The following VDAC1 variants were observed in gnomAD, a reference collection of about 807,000 sequenced individuals.
VDAC1 encodes the protein non-selective voltage-gated ion channel VDAC1.
A neutral mutation model predicts 34.7 loss-of-function variants in VDAC1; 10 were observed. That is an observed-to-expected ratio of 0.29 (90% CI 0.18 to 0.49). The LOEUF is 0.49. Ranked by LOEUF, VDAC1 falls within the 20% of genes least tolerant of loss-of-function variation. VDAC1 has a pLI of 0.99. For synonymous variants in VDAC1, 130 were observed against 136.0 expected (o/e 0.96, Z 0.30); for missense variants, 230 against 347.9 (o/e 0.66, Z 2.69).
chr5:134,104,962 A>G, the VDAC1 span, among the ~76,000 whole-genome samples: 1 of 152,146 alleles, frequency 6.6e-6, no homozygotes, highest in African/African-American at 2.4e-5. Context: ...TCTCCCGTAA[A>G]CAGCATGCTA....
chr5:134,114,023 G>A, the VDAC1 span, among the ~76,000 whole-genome samples: 1 of 152,216 alleles, frequency 6.6e-6, no homozygotes, highest in Non-Finnish European at 1.5e-5. Flanking sequence ...GCTCTTGGCT[G>A]TGTTCGCGGC....
intron 1 of VDAC1, among the ~76,000 whole-genome samples, chr5:134,004,192 G>A (rs897444114): frequency 4.6e-5 from 7 of 152,040 alleles, no homozygotes; most frequent in Admixed American, 3.9e-4. Context: ...GCTCATCCCC[G>A]AGGCGGCAGC....
chr5:134,014,890 C>T, the VDAC1 span, among the ~76,000 whole-genome samples: 1 of 152,002 alleles, frequency 6.6e-6, no homozygotes, highest in Non-Finnish European at 1.5e-5. Context: ...AATCATTCTA[C>T]CAAAAAGACA....
chr5:134,083,692 A>G, the VDAC1 span, among the ~76,000 whole-genome samples: 3 of 152,278 alleles, frequency 2.0e-5, no homozygotes, highest in Non-Finnish European at 4.4e-5. Context: ...TTCAACTGGC[A>G]AGGACTTACC....
upstream of VDAC1, among the ~76,000 whole-genome samples, chr5:134,006,642 C>T (rs1223127911): frequency 6.7e-6 from 1 of 150,284 alleles, no homozygotes; most frequent in Non-Finnish European, 1.5e-5. Flanking sequence ...ACTCAGGAGG[C>T]TGAGGCACGA....
Position 133,985,692 on chromosome 5 carries a change from T to C in VDAC1, c.324-4736A>G, listed in dbSNP as rs75096075. ...AAACCTATCTTCATCTGCCTGCTCTTTGGGGAAAGAAGTCTGGGTTTCAGC... is the reference window on the plus strand; with the variant it reads ...AAACCTATCTTCATCTGCCTGCTCTCTGGGGAAAGAAGTCTGGGTTTCAGC... On this transcript the variant is annotated intron_variant, in intron 5 of 8. Transcript: ENST00000265333. 2.0e-3 allele frequency among the ~76,000 whole-genome samples: 297 copies of C among 152,272 alleles called. 3 individuals are homozygous for C. In the East Asian group the frequency reaches 0.046, roughly 24 times the overall value.
the VDAC1 span, among the ~76,000 whole-genome samples, chr5:134,090,611 C>G: frequency 1.3e-5 from 2 of 152,166 alleles, no homozygotes; most frequent in Non-Finnish European, 2.9e-5. Context: ...CCTTGGGCCC[C>G]GTGCCAGCAA....
the VDAC1 span, among the ~76,000 whole-genome samples, chr5:134,049,101 G>C: frequency 6.6e-6 from 1 of 152,186 alleles, no homozygotes; most frequent in Non-Finnish European, 1.5e-5. Context: ...GGCTTAGAGA[G>C]AGATTAAGTC....
chr5:134,022,328 C>T, the VDAC1 span, among the ~76,000 whole-genome samples: 1 of 152,170 alleles, frequency 6.6e-6, no homozygotes, highest in African/African-American at 2.4e-5. Flanking sequence ...TATAATAATA[C>T]CACAGACTGG....
the VDAC1 span, among the ~76,000 whole-genome samples, chr5:134,034,444 G>A: frequency 4.6e-5 from 7 of 152,168 alleles, no homozygotes; most frequent in Non-Finnish European, 8.8e-5. Context: ...AGAGAAAGGA[G>A]ATGCGTGACA....
chr5:134,046,849 T>C, the VDAC1 span, among the ~76,000 whole-genome samples: 1 of 152,236 alleles, frequency 6.6e-6, no homozygotes, highest in Non-Finnish European at 1.5e-5. Flanking sequence ...GCCATGTGGC[T>C]TAGTGCCTCC....
At chr5:133,991,462 A>G (rs1336391308) in intron 3 of VDAC1, among the ~76,000 whole-genome samples, 1 of 152,258 alleles carries the variant, frequency 6.6e-6, no homozygotes, top group East Asian at 1.9e-4. Context: ...AAAAGCACTG[A>G]GCTAAAGCTG....
the VDAC1 span, among the ~76,000 whole-genome samples, chr5:134,089,078 C>T: frequency 6.6e-6 from 1 of 152,250 alleles, no homozygotes; most frequent in African/African-American, 2.4e-5. Flanking sequence ...GCCTTGCCTG[C>T]ACCAGCCAGG....
At chr5:134,024,452 C>T in the VDAC1 span, among the ~76,000 whole-genome samples, 3 of 148,898 alleles carry the variant, frequency 2.0e-5, no homozygotes, top group African/African-American at 7.5e-5. Flanking sequence ...TTGCTTGAAC[C>T]TAGGAGGCAG....
chr5:134,067,081 CTTTTT>C, the VDAC1 span, among the ~76,000 whole-genome samples: 1 of 136,758 alleles, frequency 7.3e-6, no homozygotes, highest in Non-Finnish European at 1.6e-5. Flanking sequence ...ATCAAAAGTT[CTTTTT>C]TTTTTTTTTT....
chr5:134,021,407 C>T, the VDAC1 span, among the ~76,000 whole-genome samples: 6 of 151,140 alleles, frequency 4.0e-5, no homozygotes, highest in Non-Finnish European at 7.4e-5. Context: ...CTCATTGCTC[C>T]GTTTCCACCT....
chr5:134,055,512 C>T, the VDAC1 span, among the ~76,000 whole-genome samples: 353 of 151,192 alleles, frequency 2.3e-3, 4 homozygotes, highest in Non-Finnish European at 5.4e-4. Context: ...CTCCGCCACC[C>T]GGGTTCTTGT....
At chr5:134,076,648 T>A in the VDAC1 span, among the ~76,000 whole-genome samples, 1 of 152,130 alleles carries the variant, frequency 6.6e-6, no homozygotes, top group Non-Finnish European at 1.5e-5. Flanking sequence ...ACAGTTCTTA[T>A]ACCATACAGC....
the VDAC1 span, among the ~76,000 whole-genome samples, chr5:134,111,888 C>T: frequency 1.3e-5 from 2 of 152,202 alleles, no homozygotes; most frequent in Non-Finnish European, 2.9e-5. Flanking sequence ...GTGACTTCAT[C>T]TCTCTGAGCT....
Sources: gnomAD v4.1 joint callset for allele counts (sites outside exome capture counted in the v4.1 genomes callset) on GRCh38, gnomAD v4.1.1 for gene constraint, MANE v1.5 for transcripts, NCBI Gene and HGNC (gene_info 2026-07-23, HGNC 2026-07-21) for gene names.